Variants in CCDC40 observed in about 807,000 individuals in gnomAD.
CCDC40 encodes coiled-coil domain 40 molecular ruler complex subunit.
A neutral mutation model predicts 124.5 loss-of-function variants in CCDC40; 104 were observed. That is an observed-to-expected ratio of 0.84 (90% CI 0.71 to 0.98). The LOEUF (loss-of-function observed/expected upper bound fraction) is 0.98. Among genes scored for constraint, CCDC40 ranks in the 50% least tolerant of loss-of-function variants. CCDC40 has a pLI of 0.00. For missense variants in CCDC40, 1,463 were observed against 1,503.9 expected (o/e 0.97, Z 0.45); for synonymous variants, 580 against 602.9 (o/e 0.96, Z 0.56).
At chr17:80,062,155 G>A (rs554494038) in intron 9 of CCDC40, among the ~76,000 whole-genome samples, 10 of 152,094 alleles carry the variant, frequency 6.6e-5, no homozygotes, top group Non-Finnish European at 1.2e-4. Flanking sequence ...GGGAGATGAC[G>A]CTCATCACCG....
intron 2 of CCDC40, among the ~76,000 whole-genome samples, chr17:80,038,719 G>A (rs1255464106): frequency 6.6e-6 from 1 of 152,114 alleles, no homozygotes; most frequent in Admixed American, 6.6e-5. Context: ...CAGCTACTCG[G>A]GAGGCTGAGG....
chr17:80,089,469 T>C (rs2038656001), intron 16 of CCDC40: 1 of 404,758 alleles, frequency 2.5e-6, no homozygotes. Context: ...TTCTATCAAT[T>C]ATACTGACTT....
chr17:80,085,050 C>A lies in CCDC40; in HGVS notation c.2235+62C>A. On this transcript the variant is annotated intron_variant, in intron 13 of 19. Coordinates refer to ENST00000397545, the MANE Select transcript of CCDC40 (RefSeq NM_017950.4). ...ACTGTGGTGCCTGGTGGGGCAGAGC[C>A]CCCTCAGATCCCCCACGGTCAGACA... 8.2e-6 allele frequency: 13 copies of A among 1,586,352 alleles called. No individual in the cohort carries two copies. In the South Asian group the frequency reaches 1.1e-4, roughly 14 times the overall value.
At chr17:80,056,483 C>T (rs926219583) in intron 7 of CCDC40, among the ~76,000 whole-genome samples, 6 of 151,826 alleles carry the variant, frequency 4.0e-5, no homozygotes, top group African/African-American at 1.2e-4. Flanking sequence ...AGAAATTGGC[C>T]GGGCATGGTG....
intron 2 of CCDC40, among the ~76,000 whole-genome samples, chr17:80,038,845 A>G (rs2037198590): frequency 6.6e-6 from 1 of 152,192 alleles, no homozygotes; most frequent in Non-Finnish European, 1.5e-5. Flanking sequence ...AATAAAATTA[A>G]ATTAAAAATA....
intron 10 of CCDC40, 38 bp downstream of exon 10, chr17:80,065,644 CCCCAGGGGT>C: frequency 6.2e-7 from 1 of 1,609,712 alleles, no homozygotes; most frequent in Non-Finnish European, 8.5e-7. Context: ...TGTGCGGGAA[CCCCAGGGGT>C]CCGTGGCAGG....
intron 13 of CCDC40, among the ~76,000 whole-genome samples, chr17:80,085,666 C>CTT (rs5822324): frequency 6.4e-5 from 7 of 110,012 alleles, no homozygotes; most frequent in Admixed American, 9.4e-5. Flanking sequence ...GCTAATTTTG[C>CTT]TTTTTTTTTT....
Position 80,090,216 on chromosome 17 carries a change from G to C in CCDC40, c.2832+332G>C, listed in dbSNP as rs4889953. ...GGACGCACGCAGGCACGTGCACGAAGAACACGGGACGCGCGCAGGCACGTG... is the reference window on the plus strand; with the variant it reads ...GGACGCACGCAGGCACGTGCACGAACAACACGGGACGCGCGCAGGCACGTG... On this transcript the variant is annotated intron_variant, in intron 17 of 19. Coordinates refer to ENST00000397545, the MANE Select transcript of CCDC40 (RefSeq NM_017950.4). The C allele has an allele frequency of 0.47, 278,605 of 596,050 alleles. 85,460 individuals are homozygous for C. Among genetic ancestry groups the C allele is most frequent in the African/African-American group, 0.64 (30,301 of 47,622 alleles). 36.9% of individuals were successfully genotyped at this position (596,050 alleles called of 1,614,324 possible).
intron 17 of CCDC40, among the ~76,000 whole-genome samples, chr17:80,091,302 TACAC>T (rs71163919): frequency 0.35 from 48,847 of 139,014 alleles, 9,403 homozygotes; most frequent in Middle Eastern, 0.48. Context: ...ACCAGTAGAC[TACAC>T]ACACACACAC....
intron 19 of CCDC40, 104 bp downstream of exon 19, chr17:80,097,507 G>C: frequency 8.2e-7 from 1 of 1,217,772 alleles, no homozygotes; most frequent in Non-Finnish European, 1.2e-6. Context: ...CTCCTGATCA[G>C]GTCACGGCCT....
At chr17:80,097,146 T>G in intron 18 of CCDC40, 99 bp from the exon 19 acceptor site, 1 of 1,264,306 alleles carries the variant, frequency 7.9e-7, no homozygotes, top group South Asian at 1.2e-5. Context: ...CTGGATGGAG[T>G]GTGTGGAAGG....
chr17:80,099,939 C>A lies in CCDC40; in HGVS notation c.*164C>A. On this transcript the variant is annotated 3_prime_UTR_variant, in exon 20 of 20. Transcript: ENST00000397545. ...GCCCCACCCATAGGAATCTTTTTAG[C>A]CACTCAGCAATTTAATAAACCAGGT... The A allele has an allele frequency of 1.4e-6, 1 of 726,228 alleles. No individual in the cohort carries two copies. Among genetic ancestry groups the A allele is most frequent in the Non-Finnish European group, 2.2e-6 (1 of 444,926 alleles). 45.0% of individuals were successfully genotyped at this position (726,228 alleles called of 1,614,324 possible).
intron 7 of CCDC40, among the ~76,000 whole-genome samples, chr17:80,054,550 G>A (rs142521007): frequency 0.011 from 1,630 of 152,222 alleles, 18 homozygotes; most frequent in Middle Eastern, 0.031. Flanking sequence ...ACTGTAAAGC[G>A]GCCCCACATG....
chr17:80,095,252 C>G lies in CCDC40; in HGVS notation c.2833-11C>G, dbSNP rs1469848227. The G allele has an allele frequency of 6.2e-7, 1 of 1,613,542 alleles. No individual in the cohort carries two copies. The highest frequency in any genetic ancestry group is 1.7e-5 in the Admixed American group (1 of 60,034). On this transcript the variant is annotated splice_polypyrimidine_tract_variant and intron_variant, in intron 17 of 19. Transcript: ENST00000397545. ...CTGCCCCAGCCCCAGCCCCTCTGTC[C>G]TGTCTCCCAGGTCAGGCTCGGGCAG...
rs200034484 is a variant in CCDC40 at position 80,048,761 on chromosome 17, C to A, written c.855C>A (p.His285Gln). ...GSQLVVLDPD[H>Q]PLMVRFQAAL... ...AGCTGGTGGTTTTGGACCCAGACCACGTAAGGAAGCCTTCCCAGGTTTTGC... is the reference window on the plus strand; with the variant it reads ...AGCTGGTGGTTTTGGACCCAGACCAAGTAAGGAAGCCTTCCCAGGTTTTGC... The change falls in exon 5 of 20, where the codon CAC becomes CAA. Residue 285 changes from histidine (H) to glutamine (Q), a missense_variant and splice_region_variant. Transcript: ENST00000397545. 2.5e-6 allele frequency: 4 copies of A among 1,606,304 alleles called. No individual in the cohort carries two copies. The highest frequency in any genetic ancestry group is 3.4e-5 in the Admixed American group (2 of 58,634).
chr17:80,095,498 G>C, intron 18 of CCDC40, 47 bp downstream of exon 18: 1 of 1,582,694 alleles, frequency 6.3e-7, no homozygotes, highest in Non-Finnish European at 8.7e-7. Context: ...CTCTCTCTGG[G>C]ATTCAAGGAA....
At chr17:80,079,465 T>C (rs1246055871) in intron 10 of CCDC40, among the ~76,000 whole-genome samples, 1 of 152,104 alleles carries the variant, frequency 6.6e-6, no homozygotes, top group African/African-American at 2.4e-5. Context: ...TCAGAACACA[T>C]AGAAATCACC....
At chr17:80,064,685 C>G (rs1485794208) in intron 9 of CCDC40, among the ~76,000 whole-genome samples, 1 of 151,848 alleles carries the variant, frequency 6.6e-6, no homozygotes, top group Non-Finnish European at 1.5e-5. Context: ...AAGCCCCTCC[C>G]CTGCATGGGC....
intron 10 of CCDC40, among the ~76,000 whole-genome samples, chr17:80,077,517 C>T (rs148080366): frequency 6.6e-4 from 100 of 152,248 alleles, no homozygotes; most frequent in African/African-American, 1.6e-3. Flanking sequence ...AGCGAGACTC[C>T]GTCTCAAAAA....
Sources: gnomAD v4.1 joint callset for allele counts (sites outside exome capture counted in the v4.1 genomes callset) on GRCh38, gnomAD v4.1.1 for gene constraint, MANE v1.5 for transcripts, NCBI Gene and HGNC (gene_info 2026-07-23, HGNC 2026-07-21) for gene names.